MEF2A: variants seen among roughly 807,000 people sequenced by gnomAD.
MEF2A encodes myocyte enhancer factor 2A, also known as myocyte-specific enhancer factor 2A.
Under a neutral mutation model 55.8 loss-of-function variants are expected in MEF2A, and 28 were observed. That is an observed-to-expected ratio of 0.50 (90% confidence interval 0.37 to 0.69). MEF2A has a LOEUF of 0.69. MEF2A is among the 30% of genes least tolerant of loss of function. The probability of loss-of-function intolerance (pLI) is 0.00; values close to 1 mark genes in which losing one functional copy is unlikely to be tolerated. For missense variants in MEF2A, 528 were observed against 626.2 expected, an observed-to-expected ratio of 0.84 and a Z score of 1.67; for synonymous variants, 239 against 227.1, an observed-to-expected ratio of 1.05 and a Z score of -0.47.
intron 1 of MEF2A, among the ~76,000 whole-genome samples, chr15:99,588,444 G>C (rs1489402386): frequency 6.6e-6 from 1 of 151,938 alleles, no homozygotes; most frequent in Non-Finnish European, 1.5e-5. Flanking sequence ...TGGGACTACA[G>C]GCACACACCA....
At chr15:99,593,457 C>G (rs1013078270) in intron 1 of MEF2A, among the ~76,000 whole-genome samples, 5 of 152,110 alleles carry the variant, frequency 3.3e-5, no homozygotes, top group African/African-American at 1.2e-4. Context: ...CTACATCATG[C>G]CTGGTAGCAA....
intron 9 of MEF2A, among the ~76,000 whole-genome samples, chr15:99,705,959 C>T (rs1243222303): frequency 2.6e-5 from 4 of 152,222 alleles, no homozygotes; most frequent in Non-Finnish European, 4.4e-5. Context: ...TTCTGTCGTA[C>T]TCCTACACGT....
At chr15:99,707,191 C>T (rs1225747957) in intron 10 of MEF2A, among the ~76,000 whole-genome samples, 2 of 152,164 alleles carry the variant, frequency 1.3e-5, no homozygotes, top group African/African-American at 4.8e-5. Flanking sequence ...TGTAGTTTCT[C>T]TTCATACAGT....
At position 99,637,588 on chromosome 15, in the gene MEF2A, T is replaced by C. The variant is rs188412081; in HGVS notation, c.54+4415T>C. On this transcript the variant is annotated intron_variant, in intron 3 of 11. Transcript: ENST00000557942. Reference sequence around the variant, plus strand: ...GCACCATTTTGCTTTCTGCCTGCCATGTGTCAGCATTCTAAGTTTTCCACA... The same window carrying C: ...GCACCATTTTGCTTTCTGCCTGCCACGTGTCAGCATTCTAAGTTTTCCACA... 3.0e-3 allele frequency among the ~76,000 whole-genome samples: 455 copies of C among 152,246 alleles called. 4 individuals are homozygous for C. Among genetic ancestry groups the C allele is most frequent in the African/African-American group, 0.01 (426 of 41,556 alleles).
At chr15:99,626,393 T>C (rs554816543) in intron 2 of MEF2A, among the ~76,000 whole-genome samples, 1 of 152,316 alleles carries the variant, frequency 6.6e-6, no homozygotes, top group South Asian at 2.1e-4. Context: ...TTGTCAATTT[T>C]GTTAATCGTT....
intron 4 of MEF2A, among the ~76,000 whole-genome samples, chr15:99,669,750 T>G (rs67593144): frequency 0.1 from 15,155 of 152,304 alleles, 947 homozygotes; most frequent in East Asian, 0.17. Flanking sequence ...AAAAAAATTC[T>G]TGAATCTTAA....
At chr15:99,613,685 G>A (rs1019288415) in intron 2 of MEF2A, among the ~76,000 whole-genome samples, 2 of 152,332 alleles carry the variant, frequency 1.3e-5, no homozygotes, top group Middle Eastern at 3.4e-3. Flanking sequence ...GAGCAGGAGG[G>A]ATTGGGAAAT....
At chr15:99,697,226 G>A (rs147577567) in intron 8 of MEF2A, among the ~76,000 whole-genome samples, 2 of 151,958 alleles carry the variant, frequency 1.3e-5, no homozygotes, top group East Asian at 3.9e-4. Context: ...GGTAGTAAAA[G>A]TCCTAGCCAG....
chr15:99,594,693 G>T (rs1970567431), intron 1 of MEF2A, among the ~76,000 whole-genome samples: 1 of 152,082 alleles, frequency 6.6e-6, no homozygotes, highest in South Asian at 2.1e-4. Context: ...GCATGCAAGA[G>T]ACACTTGCCA....
intron 1 of MEF2A, among the ~76,000 whole-genome samples, chr15:99,593,858 T>A (rs1970204641): frequency 6.6e-6 from 1 of 152,244 alleles, no homozygotes; most frequent in South Asian, 2.1e-4. Flanking sequence ...CTTGTTTCTT[T>A]CAGGAGTACC....
At chr15:99,635,568 C>T (rs1489130035) in intron 3 of MEF2A, among the ~76,000 whole-genome samples, 1 of 152,118 alleles carries the variant, frequency 6.6e-6, no homozygotes, top group Non-Finnish European at 1.5e-5. Flanking sequence ...CAGAGCACCA[C>T]CCGAGAGGCA....
intron 2 of MEF2A, among the ~76,000 whole-genome samples, chr15:99,608,270 T>C (rs1975846586): frequency 6.6e-6 from 1 of 152,232 alleles, no homozygotes; most frequent in Admixed American, 6.5e-5. Flanking sequence ...TTAATTTCAC[T>C]GTGAATGTAA....
At chr15:99,567,992 G>C (rs1960477484) in intron 1 of MEF2A, among the ~76,000 whole-genome samples, 1 of 152,206 alleles carries the variant, frequency 6.6e-6, no homozygotes, top group African/African-American at 2.4e-5. Context: ...TTGTTGAAGA[G>C]TGTGGTTCCA....
At chr15:99,703,244 C>CTA (rs1169009076) in intron 8 of MEF2A, 118 bp from the exon 9 acceptor site, 2 of 881,194 alleles carry the variant, frequency 2.3e-6, no homozygotes, top group Non-Finnish European at 3.7e-6. Context: ...ATATAATCGT[C>CTA]TCTTTAGAGT....
At chr15:99,583,722 C>T (rs1439843384) in intron 1 of MEF2A, among the ~76,000 whole-genome samples, 1 of 151,736 alleles carries the variant, frequency 6.6e-6, no homozygotes, top group Non-Finnish European at 1.5e-5. Context: ...TAAATATTAG[C>T]CTTAATATTT....
At position 99,645,748 on chromosome 15, in the gene MEF2A, A is replaced by C; in HGVS notation, c.242A>C (p.Asn81Thr). The C allele has an allele frequency of 6.2e-7, 1 of 1,603,958 alleles. No individual in the cohort carries two copies. The highest frequency in any genetic ancestry group is 1.1e-5 in the South Asian group (1 of 89,486). ...EYNEPHESRT[N>T]SDIVETLRKK... ...AATGAACCTCATGAAAGCAGAACCA[A>C]CTCGGATATTGTTGAGGTAACACAT... Residue 81 changes from asparagine to threonine, a missense_variant, in exon 4 of 12, where the codon AAC becomes ACC. Transcript: ENST00000557942.
chr15:99,628,142 T>C (rs569264731), intron 2 of MEF2A, among the ~76,000 whole-genome samples: 13 of 152,344 alleles, frequency 8.5e-5, no homozygotes, highest in African/African-American at 2.9e-4. Flanking sequence ...AGAACTGATA[T>C]GTCTTCCTGG....
chr15:99,661,622 T>A (rs1421796604), intron 4 of MEF2A, among the ~76,000 whole-genome samples: 3 of 152,102 alleles, frequency 2.0e-5, no homozygotes, highest in African/African-American at 7.2e-5. Context: ...ATGTGGCCTA[T>A]AGATATGAAA....
chr15:99,576,856 C>T (rs1282046024), intron 1 of MEF2A, among the ~76,000 whole-genome samples: 1 of 152,056 alleles, frequency 6.6e-6, no homozygotes, highest in Non-Finnish European at 1.5e-5. Flanking sequence ...ACCCTGTTAG[C>T]TAGGATGGTC....
Sources: gnomAD v4.1 joint callset for allele counts (sites outside exome capture counted in the v4.1 genomes callset) on GRCh38, gnomAD v4.1.1 for gene constraint, MANE v1.5 for transcripts, NCBI Gene and HGNC (gene_info 2026-07-23, HGNC 2026-07-21) for gene names.